NPFFR1: variants seen among roughly 807,000 people sequenced by gnomAD.
NPFFR1 encodes G-protein coupled receptor 147.
NPFFR1 carries 17 observed loss-of-function variants against 12.7 expected under a neutral mutation model. That is an observed-to-expected ratio of 1.34 (90% CI 0.92 to 2.01). The LOEUF is 2.01. Among genes scored for constraint, NPFFR1 ranks in the 30% most tolerant of loss-of-function variants. The pLI, the probability that NPFFR1 is intolerant of heterozygous loss-of-function variation, is 0.00. For synonymous variants in NPFFR1, 296 were observed against 264.5 expected, an observed-to-expected ratio of 1.12 and a Z score of -1.16; for missense variants, 604 against 606.5, an observed-to-expected ratio of 1.00 and a Z score of 0.04.
At chr10:70,274,005 C>A (rs941560797) in intron 1 of NPFFR1, among the ~76,000 whole-genome samples, 1 of 152,166 alleles carries the variant, frequency 6.6e-6, no homozygotes, top group African/African-American at 2.4e-5. Flanking sequence ...TGCCCACCTC[C>A]CTCCCCAACA....
At position 70,262,900 on chromosome 10, in the gene NPFFR1, G is replaced by A. The variant is rs367557006; in HGVS notation, c.323-2161C>T. ...TAAATACTATTCTCAGCCAGGTGTA[G>A]TAATCCCAGCACTTTGGGAGGAAGA... is the stretch of plus-strand genomic sequence containing the variant. On this transcript the variant is annotated intron_variant, in intron 2 of 3. Transcript: ENST00000277942. Among the ~76,000 whole-genome samples the A allele has an allele frequency of 1.2e-4, 19 of 152,310 alleles. No homozygotes were observed. The South Asian group carries it at 3.7e-3, about 30-fold the overall frequency.
chr10:70,255,561 G>T lies in NPFFR1; in HGVS notation c.689C>A (p.Ala230Glu), dbSNP rs1421408962. Reference sequence around the variant, plus strand: ...GCGGGCGTACATGACCACGATGAGCGCCAGCGGCGCCAGGTAGATGTGCGA... The same window carrying T: ...GCGGGCGTACATGACCACGATGAGCTCCAGCGGCGCCAGGTAGATGTGCGA... ...LFSHIYLAPLALIVVMYARIA... is the reference protein window; with the variant it reads ...LFSHIYLAPLELIVVMYARIA... The change falls in exon 4 of 4, where the codon GCG becomes GAG. Residue 230 changes from alanine (A) to glutamate (E), a missense_variant. Physicochemically the swap from Ala to Glu is moderately radical, Grantham distance 107 (BLOSUM62 -1). Coordinates refer to ENST00000277942, the MANE Select transcript of NPFFR1 (RefSeq NM_022146.5). The surrounding 1 kb of genome is among the most constrained non-coding windows in gnomAD (Gnocchi z 4.2). 8.4e-6 allele frequency: 13 copies of T among 1,550,894 alleles called. No homozygotes were observed. The highest frequency in any genetic ancestry group is 1.0e-5 in the Non-Finnish European group (12 of 1,146,976).
rs1027071918 is a variant in NPFFR1, at chr10:70,254,179, G to A, written c.*778C>T. The stretch of plus-strand genomic sequence containing the variant: ...CATTACAATGTCTGTGGCATTGTAA[G>A]TTCTTGCCTTGGTCTGGGAGTCCCT... On this transcript the variant is annotated 3_prime_UTR_variant, in exon 4 of 4. Coordinates refer to ENST00000277942, the MANE Select transcript of NPFFR1 (RefSeq NM_022146.5). The A allele has an allele frequency of 6.6e-6, 1 of 152,256 alleles. No homozygotes were observed. Among genetic ancestry groups the A allele is most frequent in the African/African-American group, 2.4e-5 (1 of 41,450 alleles). 9.4% of individuals were successfully genotyped at this position (152,256 alleles called of 1,614,324 possible). A position where few individuals can be genotyped will look rare whatever the true frequency, so the allele number is the denominator to read the frequency against.
intron 3 of NPFFR1, among the ~76,000 whole-genome samples, chr10:70,256,908 G>A (rs1412803295): frequency 2.0e-5 from 3 of 152,176 alleles, no homozygotes; most frequent in Non-Finnish European, 4.4e-5. Context: ...TTCAGGCCAA[G>A]GATTCCAACC....
intron 3 of NPFFR1, among the ~76,000 whole-genome samples, chr10:70,257,994 C>T (rs769029128): frequency 3.9e-5 from 6 of 152,060 alleles, no homozygotes; most frequent in Non-Finnish European, 2.9e-5. Context: ...ATCACCCTGC[C>T]CTCCTACTAC....
At position 70,255,852 on chromosome 10, in the gene NPFFR1, G is replaced by A. The variant is rs368574244; in HGVS notation, c.423-25C>T. ...CCTGCCGCGGGGAGAGAGACAGGCGGGATCTGGGTGGGTCCTAGGGCCCCT... is the reference window on the plus strand; with the variant it reads ...CCTGCCGCGGGGAGAGAGACAGGCGAGATCTGGGTGGGTCCTAGGGCCCCT... On this transcript the variant is annotated intron_variant, in intron 3 of 3. Coordinates refer to ENST00000277942, the MANE Select transcript of NPFFR1 (RefSeq NM_022146.5). This position sits in a 1 kb window ranked among gnomAD's most constrained non-coding sequence, Gnocchi z 4.2. The A allele has an allele frequency of 1.3e-6, 2 of 1,586,326 alleles. No homozygotes were observed. The highest frequency in any genetic ancestry group is 3.6e-5 in the Admixed American group (2 of 56,278).
At chr10:70,257,314 T>G (rs1036147504) in intron 3 of NPFFR1, among the ~76,000 whole-genome samples, 5 of 152,230 alleles carry the variant, frequency 3.3e-5, no homozygotes, top group Admixed American at 1.3e-4. Flanking sequence ...GTTGTTAATT[T>G]GTAGCTTTGC....
At chr10:70,259,113 C>A (rs977215629) in intron 3 of NPFFR1, among the ~76,000 whole-genome samples, 3 of 152,080 alleles carry the variant, frequency 2.0e-5, no homozygotes, top group Non-Finnish European at 4.4e-5. Flanking sequence ...ATGGTGAAAC[C>A]CTTCTCTACT....
intron 1 of NPFFR1, among the ~76,000 whole-genome samples, chr10:70,272,137 T>A (rs58187525): frequency 1.8e-4 from 26 of 145,688 alleles, no homozygotes; most frequent in African/African-American, 6.5e-4. Flanking sequence ...AAGAAAGAAA[T>A]AAAGAGAAAG....
intron 2 of NPFFR1, among the ~76,000 whole-genome samples, chr10:70,263,224 A>G (rs1840652737): frequency 6.6e-6 from 1 of 152,198 alleles, no homozygotes; most frequent in Non-Finnish European, 1.5e-5. Context: ...ACACTTAAAA[A>G]GGCAGATTTT....
At chr10:70,279,555 G>A (rs527405646) in intron 1 of NPFFR1, among the ~76,000 whole-genome samples, 1 of 152,120 alleles carries the variant, frequency 6.6e-6, no homozygotes, top group Non-Finnish European at 1.5e-5. Flanking sequence ...CACCCCCTGG[G>A]CTTAAGCAAT....
chr10:70,283,275 AC>A (rs1281490127), intron 1 of NPFFR1, among the ~76,000 whole-genome samples: 1 of 143,344 alleles, frequency 7.0e-6, no homozygotes, highest in Non-Finnish European at 1.5e-5. Context: ...ATACAGAGGC[AC>A]CCCCAAGTGT....
At chr10:70,269,583 C>A (rs1840728861) in intron 1 of NPFFR1, among the ~76,000 whole-genome samples, 1 of 148,344 alleles carries the variant, frequency 6.7e-6, no homozygotes, top group Non-Finnish European at 1.5e-5. Flanking sequence ...TCGATCTTGG[C>A]TCACTGCAAC....
chr10:70,282,131 A>G (rs1204102421), intron 1 of NPFFR1, among the ~76,000 whole-genome samples: 1 of 152,106 alleles, frequency 6.6e-6, no homozygotes, highest in Non-Finnish European at 1.5e-5. Context: ...GGTCGCTGGG[A>G]TGTCATATGT....
In NPFFR1 at chr10:70,266,330, C is replaced by T; in HGVS notation, c.69G>A (p.Glu23=). 2 of 1,613,714 alleles carry T rather than the reference C, an allele frequency of 1.2e-6. No individual in the cohort carries two copies. Among genetic ancestry groups the T allele is most frequent in the Non-Finnish European group, 1.7e-6 (2 of 1,179,764 alleles). The change falls in exon 2 of 4, where the codon GAG becomes GAA. Residue 23 remains glutamate, a synonymous_variant. Coordinates refer to ENST00000277942, the MANE Select transcript of NPFFR1 (RefSeq NM_022146.5). ...WPLSQNGTNT[E]ATPATNLTFS... is the part of the protein sequence containing the mutation. ...AGGTGAGGTTTGTAGCCGGGGTGGC[C>T]TCAGTGTTAGTCCCATTCTGACTTA... is the stretch of plus-strand genomic sequence containing the variant.
intron 1 of NPFFR1, among the ~76,000 whole-genome samples, chr10:70,282,969 T>C (rs768520809): frequency 6.6e-6 from 1 of 152,168 alleles, no homozygotes; most frequent in African/African-American, 2.4e-5. Context: ...ATATCACCTC[T>C]AGAATCCCAT....
rs1840567838 is a variant in NPFFR1, at chr10:70,255,939, CGAA to C, written c.423-115_423-113del. 1 of 1,177,050 alleles carries C rather than the reference CGAA, an allele frequency of 8.5e-7. No individual in the cohort carries two copies. The highest frequency in any genetic ancestry group is 1.5e-5 in the African/African-American group (1 of 64,998). The allele number at this position is 1,177,050 out of a possible 1,614,324, so 72.9% of individuals were successfully genotyped here. On this transcript the variant is annotated intron_variant, in intron 3 of 3. Coordinates refer to ENST00000277942, the MANE Select transcript of NPFFR1 (RefSeq NM_022146.5). The surrounding 1 kb of genome is among the most constrained non-coding windows in gnomAD (Gnocchi z 4.2). ...TTCATCATCGCATCTAGGGCGGCGT[CGAA>C]GAACAGCTCAGACCTGAATTGGCTG... is the stretch of plus-strand genomic sequence containing the variant.
intron 1 of NPFFR1, among the ~76,000 whole-genome samples, chr10:70,279,060 AG>A (rs1840833156): frequency 1.3e-5 from 2 of 152,246 alleles, no homozygotes; most frequent in African/African-American, 4.8e-5. Context: ...AATTAAATCA[AG>A]CCAGTTAACA....
intron 2 of NPFFR1, among the ~76,000 whole-genome samples, chr10:70,262,973 T>C (rs1840648701): frequency 6.6e-6 from 1 of 152,010 alleles, no homozygotes; most frequent in Non-Finnish European, 1.5e-5. Context: ...GCCTGGGTAA[T>C]ATAGTGAGAC....
Sources: gnomAD v4.1 joint callset for allele counts (sites outside exome capture counted in the v4.1 genomes callset) on GRCh38, gnomAD v4.1.1 for gene constraint, Gnocchi (gnomAD v3.1) non-coding constraint, MANE v1.5 for transcripts, NCBI Gene and HGNC (gene_info 2026-07-23, HGNC 2026-07-21) for gene names.